Variants in ROBO1 observed in about 807,000 individuals in gnomAD.
ROBO1 encodes the protein roundabout homolog 1.
Under a neutral mutation model 195.9 loss-of-function variants are expected in ROBO1, and 149 were observed. The ratio of observed to expected loss-of-function variants is 0.76; its 90% CI spans 0.67 to 0.87. ROBO1 has a LOEUF of 0.87. ROBO1 is among the 40% of genes least tolerant of loss of function. The probability of loss-of-function intolerance (pLI) is 0.00; values close to 1 mark genes in which losing one functional copy is unlikely to be tolerated. For missense variants in ROBO1, 1,933 were observed against 2,068.3 expected, an observed-to-expected ratio of 0.93 and a Z score of 1.27; for synonymous variants, 816 against 733.2, an observed-to-expected ratio of 1.11 and a Z score of -1.82.
At chr3:78,608,092 A>G (rs1357514372) in intron 28 of ROBO1, among the ~76,000 whole-genome samples, 1 of 152,200 alleles carries the variant, frequency 6.6e-6, no homozygotes, top group African/African-American at 2.4e-5. Flanking sequence ...TACATATTAC[A>G]TATAATGTAA....
At chr3:79,642,135 G>A (rs1945683180) in intron 1 of ROBO1, among the ~76,000 whole-genome samples, 1 of 152,134 alleles carries the variant, frequency 6.6e-6, no homozygotes, top group African/African-American at 2.4e-5. Context: ...TTGCTGAGCT[G>A]AAAAGTTCTT....
chr3:78,942,531 G>A (rs1242568003), intron 3 of ROBO1, among the ~76,000 whole-genome samples: 2 of 152,024 alleles, frequency 1.3e-5, no homozygotes, highest in Non-Finnish European at 2.9e-5. Flanking sequence ...CTGAAGGCAG[G>A]GAATAAGAGA....
At chr3:79,588,959 A>C (rs1397196761) in intron 2 of ROBO1, among the ~76,000 whole-genome samples, 1 of 151,726 alleles carries the variant, frequency 6.6e-6, no homozygotes, top group South Asian at 2.1e-4. Context: ...TTTTGTGTGG[A>C]TGAACATGAC....
At chr3:79,640,753 A>G (rs1945635343) in intron 1 of ROBO1, among the ~76,000 whole-genome samples, 1 of 151,992 alleles carries the variant, frequency 6.6e-6, no homozygotes, top group African/African-American at 2.4e-5. Context: ...TCTTTATTGG[A>G]TTTTAATCAT....
chr3:78,692,673 T>C lies in ROBO1; in HGVS notation c.1046-3901A>G, dbSNP rs573814331. ...ATATTCATGTACAATTATCTAAAAA[T>C]TGCTTTCTAGTGACCTTATGAAATG... On this transcript the variant is annotated intron_variant, in intron 8 of 30. Coordinates refer to ENST00000464233, the MANE Select transcript of ROBO1 (RefSeq NM_002941.4). 1.7e-3 allele frequency among the ~76,000 whole-genome samples: 263 copies of C among 152,284 alleles called. 2 individuals are homozygous for C. Among genetic ancestry groups the C allele is most frequent in the African/African-American group, 6.1e-3 (254 of 41,546 alleles).
chr3:79,410,279 A>T (rs1279867172), intron 2 of ROBO1, among the ~76,000 whole-genome samples: 2 of 152,222 alleles, frequency 1.3e-5, no homozygotes, highest in African/African-American at 4.8e-5. Flanking sequence ...GCAAAAAGTT[A>T]TAATAAATTT....
chr3:79,143,516 G>T (rs931022048), intron 2 of ROBO1, among the ~76,000 whole-genome samples: 2 of 151,980 alleles, frequency 1.3e-5, no homozygotes, highest in African/African-American at 4.8e-5. Context: ...TAAAGATATT[G>T]TTGTCAAACT....
At chr3:79,159,866 T>G (rs1402180575) in intron 2 of ROBO1, among the ~76,000 whole-genome samples, 1 of 151,998 alleles carries the variant, frequency 6.6e-6, no homozygotes, top group African/African-American at 2.4e-5. Flanking sequence ...TCAAAGCCAA[T>G]GAGGCATGAT....
At chr3:78,648,183 A>C (rs1380515238) in intron 19 of ROBO1, among the ~76,000 whole-genome samples, 1 of 152,046 alleles carries the variant, frequency 6.6e-6, no homozygotes, top group African/African-American at 2.4e-5. Flanking sequence ...CAAACAAACA[A>C]ACACAACACA....
chr3:79,496,293 A>G (rs1328119782), intron 2 of ROBO1, among the ~76,000 whole-genome samples: 1 of 150,534 alleles, frequency 6.6e-6, no homozygotes, highest in Non-Finnish European at 1.5e-5. Context: ...TATAATATGT[A>G]AGTAAAAACG....
In ROBO1 at chr3:78,848,446, T is replaced by C. The variant is rs533630929; in HGVS notation, c.499+90155A>G. Among the ~76,000 whole-genome samples the C allele has an allele frequency of 1.1e-4, 16 of 152,176 alleles. No homozygotes were observed. In the South Asian group the frequency reaches 3.1e-3, roughly 30 times the overall value. ...TGCTGTCATGGTGATAAGTACTAAG[T>C]AGAAAAATTAAAGCACAGTAAAGGG... is the stretch of plus-strand genomic sequence containing the variant. On this transcript the variant is annotated intron_variant, in intron 4 of 30. Coordinates refer to ENST00000464233, the MANE Select transcript of ROBO1 (RefSeq NM_002941.4).
intron 2 of ROBO1, among the ~76,000 whole-genome samples, chr3:79,385,676 A>G (rs1279302951): frequency 6.6e-6 from 1 of 152,298 alleles, no homozygotes; most frequent in South Asian, 2.1e-4. Context: ...AAACTCTTTT[A>G]GTCTTCATGA....
chr3:78,667,748 A>T, intron 14 of ROBO1, 135 bp downstream of exon 14: 1 of 804,990 alleles, frequency 1.2e-6, no homozygotes, highest in African/African-American at 1.7e-5. Flanking sequence ...ATTAAAAATT[A>T]ATTAAGCAAC....
intron 3 of ROBO1, among the ~76,000 whole-genome samples, chr3:79,071,732 A>ACACGCG (rs1368022332): frequency 2.0e-5 from 3 of 147,986 alleles, no homozygotes; most frequent in African/African-American, 5.2e-5. Context: ...ATGCACACAC[A>ACACGCG]CACACACGCA....
chr3:79,342,785 C>G (rs905769384), intron 2 of ROBO1, among the ~76,000 whole-genome samples: 2 of 152,120 alleles, frequency 1.3e-5, no homozygotes, highest in Non-Finnish European at 2.9e-5. Flanking sequence ...ATATGTATAG[C>G]TTTCCCCAGT....
At position 78,647,631 on chromosome 3, in the gene ROBO1, G is replaced by C; in HGVS notation, c.2837C>G (p.Thr946Arg). ...GGAGGGTAAGTGCAAATATATACCT[G>C]TTGGTGTGAAGGTAAAAGACGGGAC... ...RKVPSFTFTPTVTYQRGGEAV... is the reference protein window; with the variant it reads ...RKVPSFTFTPRVTYQRGGEAV... The change falls in exon 20 of 31, where the codon ACA becomes AGA. Residue 946 changes from threonine (T) to arginine (R), a missense_variant and splice_region_variant. Thr to Arg is a moderately conservative substitution (Grantham distance 71, BLOSUM62 -1). Transcript: ENST00000464233. 1.2e-6 allele frequency: 2 copies of C among 1,611,628 alleles called. No homozygotes were observed. Among genetic ancestry groups the C allele is most frequent in the Non-Finnish European group, 1.7e-6 (2 of 1,178,104 alleles).
At chr3:79,710,232 A>G (rs1192165614) in intron 1 of ROBO1, among the ~76,000 whole-genome samples, 1 of 152,194 alleles carries the variant, frequency 6.6e-6, no homozygotes, top group Non-Finnish European at 1.5e-5. Flanking sequence ...ATTTTTCCAA[A>G]CTGGTAAAAC....
At chr3:78,941,554 T>C (rs986110687) in intron 3 of ROBO1, among the ~76,000 whole-genome samples, 6 of 152,168 alleles carry the variant, frequency 3.9e-5, no homozygotes, top group South Asian at 2.1e-4. Context: ...TAGGGATATA[T>C]AGGCTGTTAT....
chr3:78,889,938 T>C (rs577062601), intron 4 of ROBO1, among the ~76,000 whole-genome samples: 2 of 152,194 alleles, frequency 1.3e-5, no homozygotes, highest in South Asian at 4.1e-4. Context: ...CAAATTGTAC[T>C]CAAATGTCAC....
Sources: gnomAD v4.1 joint callset for allele counts (sites outside exome capture counted in the v4.1 genomes callset) on GRCh38, gnomAD v4.1.1 for gene constraint, MANE v1.5 for transcripts, NCBI Gene and HGNC (gene_info 2026-07-23, HGNC 2026-07-21) for gene names.